Variants in ADAMTSL1 observed in about 807,000 individuals in gnomAD.
The protein encoded by ADAMTSL1 is ADAMTS-like protein 1.
Under a neutral mutation model 201.8 loss-of-function variants are expected in ADAMTSL1, and 126 were observed. That is an observed-to-expected ratio of 0.62 (90% CI 0.54 to 0.72). ADAMTSL1 has a LOEUF of 0.72. Ranked by LOEUF, ADAMTSL1 falls within the 30% of genes least tolerant of loss-of-function variation. The pLI is 0.00. For missense variants in ADAMTSL1, 2,679 were observed against 2,277.8 expected (o/e 1.18, Z -3.59); for synonymous variants, 1,121 against 903.4 (o/e 1.24, Z -4.32).
chr9:18,892,358 G>T, intron 25 of ADAMTSL1, 31 bp from the exon 26 acceptor site: 1 of 1,595,380 alleles, frequency 6.3e-7, no homozygotes, highest in Non-Finnish European at 8.5e-7. Context: ...TGTCCCTTTA[G>T]GGCTCTCCTG....
chr9:18,759,526 T>C (rs367587895), intron 16 of ADAMTSL1, among the ~76,000 whole-genome samples: 51 of 152,306 alleles, frequency 3.3e-4, no homozygotes, highest in African/African-American at 1.1e-3. Context: ...TTATTTAAAA[T>C]TTTCTGTCCC....
chr9:18,352,193 A>C (rs1353049341), intron 2 of ADAMTSL1, among the ~76,000 whole-genome samples: 1 of 152,214 alleles, frequency 6.6e-6, no homozygotes, highest in Non-Finnish European at 1.5e-5. Flanking sequence ...CAAATAGCAT[A>C]TACTATAGAT....
At chr9:18,573,843 T>C (rs904516326) in intron 3 of ADAMTSL1, among the ~76,000 whole-genome samples, 187 bp from the exon 4 acceptor site, 10 of 152,222 alleles carry the variant, frequency 6.6e-5, no homozygotes, top group Non-Finnish European at 1.0e-4. Flanking sequence ...GATTGCTTTA[T>C]CAGATTTCTA....
chr9:18,661,358 G>T (rs972684526), intron 8 of ADAMTSL1, among the ~76,000 whole-genome samples: 1 of 152,128 alleles, frequency 6.6e-6, no homozygotes, highest in South Asian at 2.1e-4. Flanking sequence ...CAGGATTCGT[G>T]ATGTCTACTG....
chr9:18,301,821 C>G (rs900049621), intron 2 of ADAMTSL1, among the ~76,000 whole-genome samples: 2 of 152,296 alleles, frequency 1.3e-5, no homozygotes, highest in Non-Finnish European at 2.9e-5. Context: ...GTGCCAGAGT[C>G]TGTTGTCTTT....
intron 15 of ADAMTSL1, among the ~76,000 whole-genome samples, chr9:18,735,743 T>TTTTTCTTTTC (rs1564192110): frequency 7.8e-6 from 1 of 128,684 alleles, no homozygotes; most frequent in African/African-American, 3.0e-5. Flanking sequence ...ACGGCATTCT[T>TTTTTCTTTTC]TTTTCTTTTT....
chr9:18,485,958 T>C (rs1483189869), intron 1 of ADAMTSL1, among the ~76,000 whole-genome samples: 2 of 152,196 alleles, frequency 1.3e-5, no homozygotes, highest in Non-Finnish European at 2.9e-5. Flanking sequence ...CAAAGAAGCG[T>C]AAACATCCAG....
At chr9:18,118,048 G>A (rs150809071) in intron 1 of ADAMTSL1, among the ~76,000 whole-genome samples, 5 of 152,126 alleles carry the variant, frequency 3.3e-5, no homozygotes, top group Non-Finnish European at 5.9e-5. Context: ...TGAATGTATT[G>A]TTATCTGAAG....
intron 1 of ADAMTSL1, among the ~76,000 whole-genome samples, chr9:18,080,799 C>G (rs1022277497): frequency 3.9e-5 from 6 of 152,186 alleles, no homozygotes; most frequent in African/African-American, 1.4e-4. Flanking sequence ...GTCATTTCTA[C>G]TTAATAGTCA....
At chr9:18,320,691 A>G (rs905500635) in intron 2 of ADAMTSL1, among the ~76,000 whole-genome samples, 2 of 152,198 alleles carry the variant, frequency 1.3e-5, no homozygotes, top group African/African-American at 4.8e-5. Context: ...TGGGAAATAT[A>G]TTAAAATATT....
chr9:18,500,698 A>G (rs1361923259), intron 1 of ADAMTSL1, among the ~76,000 whole-genome samples: 1 of 152,224 alleles, frequency 6.6e-6, no homozygotes, highest in Non-Finnish European at 1.5e-5. Context: ...CACTCATCCA[A>G]TGCCTGTAAA....
rs555611412 is a variant in ADAMTSL1 at position 18,064,897 on chromosome 9, T to TATG, written c.88-98963_88-98962insGAT. Among the ~76,000 whole-genome samples, 244 of 150,754 alleles carry TATG rather than the reference T, an allele frequency of 1.6e-3. 7 individuals are homozygous for TATG. In the South Asian group the frequency reaches 0.051, roughly 31 times the overall value. On this transcript the variant is annotated intron_variant, in intron 1 of 29. Transcript: ENST00000680146. Reference sequence around the variant, plus strand: ...TTATATATAAAGTTTGGTTGTCTATTATAACTATATCACACTGGTATTCAA... The same window carrying TATG: ...TTATATATAAAGTTTGGTTGTCTATTATGATAACTATATCACACTGGTATTCAA...
At chr9:17,968,619 A>T (rs777221667) in intron 1 of ADAMTSL1, among the ~76,000 whole-genome samples, 1 of 152,114 alleles carries the variant, frequency 6.6e-6, no homozygotes, top group African/African-American at 2.4e-5. Flanking sequence ...CACACAAACA[A>T]TGTGGTATCC....
intron 2 of ADAMTSL1, among the ~76,000 whole-genome samples, chr9:18,365,630 G>A (rs1288626709): frequency 1.3e-5 from 2 of 152,054 alleles, no homozygotes; most frequent in African/African-American, 4.8e-5. Context: ...AGTTTTTTAG[G>A]CTAGGGTGAA....
chr9:18,093,024 G>T (rs1587027489), intron 1 of ADAMTSL1, among the ~76,000 whole-genome samples: 1 of 152,152 alleles, frequency 6.6e-6, no homozygotes, highest in East Asian at 1.9e-4. Context: ...TTTTAAGACT[G>T]ACCAATGGGA....
chr9:18,100,437 T>C (rs1159501328), intron 1 of ADAMTSL1, among the ~76,000 whole-genome samples: 3 of 152,062 alleles, frequency 2.0e-5, no homozygotes, highest in Non-Finnish European at 4.4e-5. Context: ...GTATATGCCT[T>C]GACTTTAGAG....
chr9:18,236,810 A>T (rs1484243214), intron 2 of ADAMTSL1, among the ~76,000 whole-genome samples: 1 of 152,214 alleles, frequency 6.6e-6, no homozygotes, highest in Non-Finnish European at 1.5e-5. Context: ...CAAACAATTG[A>T]TATTGTTTAC....
chr9:18,253,883 A>AT (rs916757989), intron 2 of ADAMTSL1, among the ~76,000 whole-genome samples: 23 of 152,238 alleles, frequency 1.5e-4, no homozygotes, highest in African/African-American at 5.5e-4. Context: ...ACCAGCAGTG[A>AT]TAATGGCATG....
chr9:18,447,630 G>A (rs150862975), intron 2 of ADAMTSL1, among the ~76,000 whole-genome samples: 4 of 152,316 alleles, frequency 2.6e-5, no homozygotes, highest in African/African-American at 7.2e-5. Flanking sequence ...GCAATTATAA[G>A]TGTGTGTTTG....
Sources: gnomAD v4.1 joint callset for allele counts (sites outside exome capture counted in the v4.1 genomes callset) on GRCh38, gnomAD v4.1.1 for gene constraint, MANE v1.5 for transcripts, NCBI Gene and HGNC (gene_info 2026-07-23, HGNC 2026-07-21) for gene names.